The following PRKG1 variants were observed in gnomAD, a reference collection of about 807,000 sequenced individuals.
PRKG1 encodes cGMP-dependent protein kinase 1.
Under a neutral mutation model 88.1 loss-of-function variants are expected in PRKG1, and 35 were observed. The ratio of observed to expected loss-of-function variants is 0.40; its 90% CI spans 0.30 to 0.53. PRKG1 has a LOEUF of 0.53. Among genes scored for constraint, PRKG1 ranks in the 20% least tolerant of loss-of-function variants. The pLI is 0.59. For synonymous variants in PRKG1, 303 were observed against 292.5 expected, an observed-to-expected ratio of 1.04 and a Z score of -0.37; for missense variants, 540 against 839.8, an observed-to-expected ratio of 0.64 and a Z score of 4.41.
At chr10:51,907,357 C>T in intron 4 of PRKG1, 150 bp from the exon 5 acceptor site, 14 of 589,770 alleles carry the variant, frequency 2.4e-5, no homozygotes, top group South Asian at 5.4e-5. Context: ...TCTTTTTTTT[C>T]AGGTTGTGTG....
chr10:52,242,621 G>C (rs1249608977), intron 9 of PRKG1, among the ~76,000 whole-genome samples: 1 of 152,074 alleles, frequency 6.6e-6, no homozygotes, highest in Non-Finnish European at 1.5e-5. Flanking sequence ...ATTTGGCCAG[G>C]CACGGTGCCT....
At chr10:52,106,501 A>G (rs956421809) in intron 7 of PRKG1, among the ~76,000 whole-genome samples, 8 of 152,088 alleles carry the variant, frequency 5.3e-5, no homozygotes, top group African/African-American at 1.9e-4. Context: ...ATCGCACAGC[A>G]TGTTAAGCAA....
chr10:51,566,503 T>C (rs1837609369), intron 3 of PRKG1, among the ~76,000 whole-genome samples: 1 of 152,146 alleles, frequency 6.6e-6, no homozygotes, highest in South Asian at 2.1e-4. Flanking sequence ...GTAATGGAAC[T>C]AGCTTTCTAG....
intron 2 of PRKG1, among the ~76,000 whole-genome samples, chr10:51,319,212 C>T (rs900883667): frequency 5.9e-5 from 9 of 152,318 alleles, no homozygotes; most frequent in South Asian, 2.1e-4. Context: ...AACTAGTTAA[C>T]GGACTTGGGC....
chr10:51,908,703 C>CTATCTATCTATCTATCTATCTA (rs746537128), intron 5 of PRKG1: 14 of 95,438 alleles, frequency 1.5e-4, no homozygotes, highest in African/African-American at 2.7e-4. Context: ...CTCTCTCTCT[C>CTATCTATCTATCTATCTATCTA]TCTCTCTCTC....
At chr10:52,171,763 AGAAGT>A (rs1838685090) in intron 9 of PRKG1, among the ~76,000 whole-genome samples, 23 of 147,684 alleles carry the variant, frequency 1.6e-4, no homozygotes, top group Middle Eastern at 3.4e-3. Flanking sequence ...GGCCTTGAAT[AGAAGT>A]ATTTTTCTTT....
chr10:51,796,360 ATATTAT>A (rs973033023), intron 3 of PRKG1, among the ~76,000 whole-genome samples: 1 of 152,100 alleles, frequency 6.6e-6, no homozygotes, highest in Non-Finnish European at 1.5e-5. Flanking sequence ...TATACCAAAA[ATATTAT>A]TATTTTAACA....
chr10:51,625,056 A>G (rs1225277505), intron 3 of PRKG1, among the ~76,000 whole-genome samples: 1 of 152,242 alleles, frequency 6.6e-6, no homozygotes, highest in Non-Finnish European at 1.5e-5. Context: ...GAAGATTTGA[A>G]TGTTGTCATC....
intron 5 of PRKG1, among the ~76,000 whole-genome samples, chr10:52,010,443 T>TA (rs772818024): frequency 7.6e-4 from 115 of 152,162 alleles, no homozygotes; most frequent in South Asian, 2.9e-3. Flanking sequence ...AATACGCATA[T>TA]AAAAAATGCT....
chr10:51,729,078 A>G (rs1050269981), intron 3 of PRKG1, among the ~76,000 whole-genome samples: 1 of 152,202 alleles, frequency 6.6e-6, no homozygotes, highest in Non-Finnish European at 1.5e-5. Context: ...GAGGAAGGCC[A>G]TCAGCAAAAT....
chr10:51,913,235 T>C (rs1192309056), intron 5 of PRKG1, among the ~76,000 whole-genome samples: 1 of 152,178 alleles, frequency 6.6e-6, no homozygotes, highest in Non-Finnish European at 1.5e-5. Context: ...ACCCAATTTC[T>C]ATTTTAGATA....
chr10:51,430,991 G>A (rs1838751946), intron 2 of PRKG1, among the ~76,000 whole-genome samples: 1 of 152,172 alleles, frequency 6.6e-6, no homozygotes, highest in Admixed American at 6.5e-5. Context: ...TGATGGAGAT[G>A]TTCTTAAGCT....
At chr10:51,397,990 C>A (rs1420699061) in intron 2 of PRKG1, among the ~76,000 whole-genome samples, 1 of 152,140 alleles carries the variant, frequency 6.6e-6, no homozygotes, top group Non-Finnish European at 1.5e-5. Context: ...AAATGATAGC[C>A]CTTGAATGTG....
chr10:52,022,995 C>A (rs974166807), intron 5 of PRKG1, among the ~76,000 whole-genome samples: 1 of 151,954 alleles, frequency 6.6e-6, no homozygotes, highest in African/African-American at 2.4e-5. Flanking sequence ...TATACACGTG[C>A]CAAGGTGGTT....
At chr10:51,031,843 G>T (rs992644214) in intron 1 of PRKG1, among the ~76,000 whole-genome samples, 1 of 152,102 alleles carries the variant, frequency 6.6e-6, no homozygotes, top group African/African-American at 2.4e-5. Flanking sequence ...TGCCAGTTAT[G>T]TTAAGCAGAA....
intron 9 of PRKG1, among the ~76,000 whole-genome samples, chr10:52,190,575 A>T (rs981682766): frequency 2.6e-5 from 4 of 152,206 alleles, no homozygotes; most frequent in Admixed American, 2.6e-4. Context: ...GATTTTACAG[A>T]TTCAGAAATT....
chr10:51,138,676 T>G (rs12768735), intron 1 of PRKG1, among the ~76,000 whole-genome samples: 43 of 67,682 alleles, frequency 6.4e-4, no homozygotes, highest in African/African-American at 1.9e-3. Context: ...TTGAGTTTTG[T>G]TTTTTTTTTT....
chr10:51,900,241 T>C (rs1426743708), intron 4 of PRKG1, among the ~76,000 whole-genome samples: 1 of 152,170 alleles, frequency 6.6e-6, no homozygotes, highest in Non-Finnish European at 1.5e-5. Context: ...CTCACAGATA[T>C]ATGTAGCAGC....
chr10:52,284,372 A>C (rs1564545529), intron 14 of PRKG1, among the ~76,000 whole-genome samples: 1 of 151,964 alleles, frequency 6.6e-6, no homozygotes, highest in Non-Finnish European at 1.5e-5. Flanking sequence ...CCTAAACTTA[A>C]TATTCATTTC....
Sources: gnomAD v4.1 joint callset for allele counts (sites outside exome capture counted in the v4.1 genomes callset) on GRCh38, gnomAD v4.1.1 for gene constraint, MANE v1.5 for transcripts, NCBI Gene and HGNC (gene_info 2026-07-23, HGNC 2026-07-21) for gene names.